CCSER1: variants seen among roughly 807,000 people sequenced by gnomAD.
CCSER1 encodes coiled-coil serine rich protein 1.
A neutral mutation model predicts 82.0 loss-of-function variants in CCSER1; 41 were observed. The ratio of observed to expected loss-of-function variants is 0.50; its 90% CI spans 0.39 to 0.65. The LOEUF is 0.65. Among genes scored for constraint, CCSER1 ranks in the 30% least tolerant of loss-of-function variants. The pLI, the probability that CCSER1 is intolerant of heterozygous loss-of-function variation, is 0.00. For missense variants in CCSER1, 1,119 were observed against 1,064.2 expected (o/e 1.05, Z -0.72); for synonymous variants, 414 against 383.9 (o/e 1.08, Z -0.92).
chr4:90,797,241 C>T (rs1280317861), intron 7 of CCSER1, among the ~76,000 whole-genome samples: 2 of 151,958 alleles, frequency 1.3e-5, no homozygotes, highest in Non-Finnish European at 2.9e-5. Context: ...ATGTATTGTC[C>T]TTGTCTTTTA....
intron 7 of CCSER1, among the ~76,000 whole-genome samples, chr4:90,798,914 C>T (rs1580523662): frequency 6.6e-6 from 1 of 152,190 alleles, no homozygotes; most frequent in East Asian, 1.9e-4. Context: ...CAGGTCACAA[C>T]ACTCTGATGG....
At chr4:91,184,701 C>T (rs944750363) in intron 10 of CCSER1, among the ~76,000 whole-genome samples, 18 of 152,144 alleles carry the variant, frequency 1.2e-4, no homozygotes, top group East Asian at 1.9e-4. Context: ...TAACAATGGC[C>T]GCCATCAAAA....
chr4:90,462,827 T>C (rs899484983), intron 4 of CCSER1, among the ~76,000 whole-genome samples: 3 of 152,228 alleles, frequency 2.0e-5, no homozygotes, highest in African/African-American at 7.2e-5. Flanking sequence ...GCACTTTACA[T>C]GCATTAATTC....
chr4:90,544,228 A>G (rs1334683047), intron 5 of CCSER1, among the ~76,000 whole-genome samples: 1 of 152,098 alleles, frequency 6.6e-6, no homozygotes, highest in East Asian at 1.9e-4. Context: ...AAATTAGGAA[A>G]CAGTCCAGAG....
At chr4:90,373,292 C>T (rs756403206) in intron 3 of CCSER1, among the ~76,000 whole-genome samples, 3 of 151,984 alleles carry the variant, frequency 2.0e-5, no homozygotes, top group Non-Finnish European at 4.4e-5. Flanking sequence ...AGACCCATAA[C>T]CACCATGATG....
At chr4:90,637,643 G>A (rs78135418) in intron 6 of CCSER1, among the ~76,000 whole-genome samples, 4,169 of 152,170 alleles carry the variant, frequency 0.027, 184 homozygotes, top group African/African-American at 0.096. Context: ...GTGTATAGCC[G>A]TAGATGAGGT....
intron 10 of CCSER1, among the ~76,000 whole-genome samples, chr4:91,515,356 C>T (rs575934495): frequency 5.9e-5 from 9 of 152,048 alleles, no homozygotes; most frequent in Non-Finnish European, 1.2e-4. Flanking sequence ...TTTCTCACCT[C>T]CTAACCTCCA....
intron 3 of CCSER1, among the ~76,000 whole-genome samples, chr4:90,323,661 C>CT (rs887030512): frequency 3.3e-4 from 49 of 149,436 alleles, no homozygotes; most frequent in Admixed American, 3.3e-4. Context: ...TTCCTATCCT[C>CT]TTTTTTTTTT....
At chr4:91,076,660 G>C (rs1581487997) in intron 9 of CCSER1, among the ~76,000 whole-genome samples, 1 of 151,856 alleles carries the variant, frequency 6.6e-6, no homozygotes, top group East Asian at 1.9e-4. Flanking sequence ...CTTGACTTCT[G>C]TTTCTATTCA....
intron 7 of CCSER1, among the ~76,000 whole-genome samples, chr4:90,765,189 T>A (rs756575531): frequency 2.0e-4 from 30 of 152,122 alleles, no homozygotes; most frequent in Admixed American, 6.6e-5. Context: ...ATTATCAAAC[T>A]TGAATTGGAA....
intron 9 of CCSER1, among the ~76,000 whole-genome samples, chr4:91,085,633 T>C (rs77128123): frequency 0.011 from 1,690 of 152,262 alleles, 27 homozygotes; most frequent in African/African-American, 0.038. Context: ...TAGAATATAC[T>C]GTACATACTA....
chr4:90,605,815 T>A (rs570279436), intron 5 of CCSER1, among the ~76,000 whole-genome samples: 48 of 152,090 alleles, frequency 3.2e-4, no homozygotes, highest in African/African-American at 1.2e-3. Flanking sequence ...AAGTTTTGTA[T>A]ATTTTTTTTC....
At position 90,615,641 on chromosome 4, in the gene CCSER1, C is replaced by T. The variant is rs550429833; in HGVS notation, c.1725-12384C>T. ...TAACTGAATTGCTGTAATCCCATAA[C>T]GGTTGCTTCTTGTAGATGAGCACAG... is the stretch of plus-strand genomic sequence containing the variant. On this transcript the variant is annotated intron_variant, in intron 5 of 10. Coordinates refer to ENST00000509176, the MANE Select transcript of CCSER1 (RefSeq NM_001145065.2). Among the ~76,000 whole-genome samples the T allele has an allele frequency of 1.7e-4, 25 of 150,996 alleles. No homozygotes were observed. The South Asian group carries it at 1.9e-3, about 11-fold the overall frequency.
intron 10 of CCSER1, among the ~76,000 whole-genome samples, chr4:91,597,132 A>C (rs566203169): frequency 6.6e-6 from 1 of 152,160 alleles, no homozygotes; most frequent in African/African-American, 2.4e-5. Flanking sequence ...TCGAGGAAGA[A>C]GGAACTGGTA....
At chr4:91,140,904 G>A (rs1728961730) in intron 10 of CCSER1, among the ~76,000 whole-genome samples, 1 of 152,100 alleles carries the variant, frequency 6.6e-6, no homozygotes, top group Non-Finnish European at 1.5e-5. Context: ...GATTGGACCT[G>A]TCACCCAAGT....
At chr4:91,168,879 G>A (rs1732455145) in intron 10 of CCSER1, among the ~76,000 whole-genome samples, 1 of 152,158 alleles carries the variant, frequency 6.6e-6, no homozygotes, top group South Asian at 2.1e-4. Context: ...GCCTTGGGAT[G>A]CTGTTAATCT....
At chr4:90,910,362 G>A (rs9994801) in intron 8 of CCSER1, among the ~76,000 whole-genome samples, 88,704 of 152,032 alleles carry the variant, frequency 0.58, 27,339 homozygotes, top group African/African-American at 0.79. Flanking sequence ...AGAATATGAC[G>A]CACAGTTATC....
At chr4:91,501,658 C>T (rs1022978931) in intron 10 of CCSER1, among the ~76,000 whole-genome samples, 3 of 151,824 alleles carry the variant, frequency 2.0e-5, no homozygotes, top group Non-Finnish European at 2.9e-5. Context: ...TTTTCTGTAC[C>T]TATACTTCTG....
intron 10 of CCSER1, among the ~76,000 whole-genome samples, chr4:91,183,892 A>G (rs1236339409): frequency 1.3e-5 from 2 of 152,210 alleles, no homozygotes; most frequent in African/African-American, 2.4e-5. Flanking sequence ...CTCATGGCAT[A>G]GGCAGGAATG....
Sources: allele counts gnomAD v4.1 joint callset (sites outside exome capture counted in the v4.1 genomes callset), GRCh38; gene constraint gnomAD v4.1.1; transcripts MANE v1.5; gene names NCBI Gene and HGNC (gene_info 2026-07-23, HGNC 2026-07-21).